The following RNF157 variants were observed in gnomAD, a reference collection of about 807,000 sequenced individuals.
RNF157 encodes the protein ring finger protein 157.
In RNF157, 55 loss-of-function variants were observed where a neutral mutation model predicts 88.3. The ratio of observed to expected loss-of-function variants is 0.62; its 90% CI spans 0.50 to 0.78. The LOEUF (loss-of-function observed/expected upper bound fraction) is 0.78. RNF157 is among the 30% of genes least tolerant of loss of function. The pLI is 0.00. For synonymous variants in RNF157, 334 were observed against 341.2 expected, an observed-to-expected ratio of 0.98 and a Z score of 0.23; for missense variants, 788 against 860.8, an observed-to-expected ratio of 0.92 and a Z score of 1.06.
chr17:76,197,809 A>T (rs2144967700), intron 2 of RNF157, among the ~76,000 whole-genome samples: 3 of 152,344 alleles, frequency 2.0e-5, no homozygotes, highest in Middle Eastern at 6.8e-3. Context: ...AAAAAGGATG[A>T]ACTCTCAGCC....
At chr17:76,232,363 G>T (rs987869587) in intron 1 of RNF157, among the ~76,000 whole-genome samples, 1 of 151,588 alleles carries the variant, frequency 6.6e-6, no homozygotes. Context: ...ACTCCAGCCT[G>T]AGCACTTAGA....
chr17:76,175,666 T>A (rs144042581), intron 2 of RNF157: 2 of 653,692 alleles, frequency 3.1e-6, no homozygotes, highest in Non-Finnish European at 3.8e-6. Context: ...TAAATGACTT[T>A]GGGATTAAAA....
intron 2 of RNF157, among the ~76,000 whole-genome samples, chr17:76,177,712 G>A (rs1320210677): frequency 6.6e-6 from 1 of 152,094 alleles, no homozygotes; most frequent in African/African-American, 2.4e-5. Context: ...GCCCATAAAA[G>A]GCCCAGGCTC....
rs2068593304 is a variant in RNF157 at position 76,146,850 on chromosome 17, G to A, written c.1922-1497C>T. 2 of 985,460 alleles carry A rather than the reference G, an allele frequency of 2.0e-6. No individual in the cohort carries two copies. The highest frequency in any genetic ancestry group is 4.7e-5 in the South Asian group (1 of 21,288). The allele number at this position is 985,460 out of a possible 1,614,324, so 61.0% of individuals were successfully genotyped here. A position where few individuals can be genotyped will look rare whatever the true frequency, so the allele number is the denominator to read the frequency against. On this transcript the variant is annotated intron_variant, in intron 18 of 18. Transcript: ENST00000269391. The surrounding 1 kb of genome is among the most constrained non-coding windows in gnomAD (Gnocchi z 4.2). Reference sequence around the variant, plus strand: ...AACTGTAGAGTGTGGCCGTGAGGTTGAGAGAGGCCACTCACAAGTGTCCAG... The same window carrying A: ...AACTGTAGAGTGTGGCCGTGAGGTTAAGAGAGGCCACTCACAAGTGTCCAG...
At chr17:76,216,268 G>A (rs2069886617) in intron 1 of RNF157, among the ~76,000 whole-genome samples, 1 of 152,116 alleles carries the variant, frequency 6.6e-6, no homozygotes, top group African/African-American at 2.4e-5. Context: ...AAAAATCCAT[G>A]GATGATTGGC....
intron 2 of RNF157, among the ~76,000 whole-genome samples, chr17:76,205,394 A>G (rs927425898): frequency 2.6e-5 from 4 of 151,810 alleles, no homozygotes; most frequent in Non-Finnish European, 5.9e-5. Context: ...TCAGCCTCCC[A>G]AAGTGCTGGG....
chr17:76,147,438 G>T, intron 18 of RNF157: 1 of 598,124 alleles, frequency 1.7e-6, no homozygotes, highest in Non-Finnish European at 2.1e-6. Flanking sequence ...GGAATGCTGG[G>T]CCGGAGAGGC....
In RNF157 at chr17:76,195,834, A is replaced by C. The variant is rs1165457010; in HGVS notation, c.207+16530T>G. Reference sequence around the variant, plus strand: ...ATCAGACTAAATTGAGCACAAGCTAAAACAGGGACTGGGCAGAAGCAGCTT... The same window carrying C: ...ATCAGACTAAATTGAGCACAAGCTACAACAGGGACTGGGCAGAAGCAGCTT... On this transcript the variant is annotated intron_variant, in intron 2 of 18. Transcript: ENST00000269391. This position sits in a 1 kb window ranked among gnomAD's most constrained non-coding sequence, Gnocchi z 4.4. 6.6e-6 allele frequency among the ~76,000 whole-genome samples: 1 copy of C among 152,202 alleles called. No individual in the cohort carries two copies. The highest frequency in any genetic ancestry group is 1.5e-5 in the Non-Finnish European group (1 of 68,034).
chr17:76,240,203 TC>T lies in RNF157; in HGVS notation c.37del (p.Glu13ArgfsTer48). The T allele has an allele frequency of 7.1e-7, 1 of 1,408,060 alleles. No individual in the cohort carries two copies. Among genetic ancestry groups the T allele is most frequent in the Non-Finnish European group, 9.4e-7 (1 of 1,066,070 alleles). 87.2% of individuals were successfully genotyped at this position (1,408,060 alleles called of 1,614,324 possible). The stretch of plus-strand genomic sequence containing the variant: ...GGAATTAGACGGGATGTCCACCTCC[TC>T]CACGCCCGCGTGCTGCCGGCTCGTC... ...ALTSRQHAGV[E>X]EVDIPSNSVY... On this transcript the variant is annotated frameshift_variant, in exon 1 of 19. Coordinates refer to ENST00000269391, the MANE Select transcript of RNF157 (RefSeq NM_052916.3). LOFTEE classifies it high-confidence loss of function. The surrounding 1 kb of genome is among the most constrained non-coding windows in gnomAD (Gnocchi z 4.4).
chr17:76,191,020 T>C (rs531042812), intron 2 of RNF157, among the ~76,000 whole-genome samples: 1 of 150,836 alleles, frequency 6.6e-6, no homozygotes, highest in South Asian at 2.1e-4. Context: ...GGACTGTTTC[T>C]ACAAAAAGAA....
intron 2 of RNF157, among the ~76,000 whole-genome samples, chr17:76,190,571 C>T (rs2069367184): frequency 6.6e-6 from 1 of 150,984 alleles, no homozygotes; most frequent in South Asian, 2.1e-4. Context: ...CCACTGCACT[C>T]CAGCCTGGGT....
intron 1 of RNF157, among the ~76,000 whole-genome samples, chr17:76,232,908 T>A (rs1199634881): frequency 6.6e-6 from 1 of 150,728 alleles, no homozygotes; most frequent in Non-Finnish European, 1.5e-5. Context: ...CAGTGAAGTA[T>A]CTATTGAAAT....
At chr17:76,180,354 C>T (rs1010652996) in intron 2 of RNF157, among the ~76,000 whole-genome samples, 8 of 152,282 alleles carry the variant, frequency 5.3e-5, no homozygotes, top group African/African-American at 1.9e-4. Context: ...ACCTTTACGA[C>T]AGAAAAGCAA....
intron 2 of RNF157, among the ~76,000 whole-genome samples, chr17:76,182,475 G>T (rs913884815): frequency 2.0e-5 from 3 of 151,448 alleles, no homozygotes; most frequent in African/African-American, 7.3e-5. Flanking sequence ...GTGTGTGTGT[G>T]TGTGTGTATC....
chr17:76,145,998 G>A (rs1411339206), intron 18 of RNF157, among the ~76,000 whole-genome samples: 3 of 152,138 alleles, frequency 2.0e-5, no homozygotes, highest in Non-Finnish European at 2.9e-5. Context: ...CAAGAGCCTC[G>A]GGGTCCCACA....
chr17:76,202,111 T>TTC (rs374396479), intron 2 of RNF157, among the ~76,000 whole-genome samples: 12,369 of 133,534 alleles, frequency 0.093, 698 homozygotes, highest in East Asian at 0.18. Flanking sequence ...CAATCTCAGT[T>TTC]TCTCTCTCTC....
intron 7 of RNF157, 99 bp from the exon 8 acceptor site, chr17:76,164,894 C>T: frequency 1.3e-6 from 1 of 753,276 alleles, no homozygotes; most frequent in Non-Finnish European, 2.2e-6. Context: ...CCTCCCTGAT[C>T]TGCAGTTTCA....
rs1007083757 is a variant in RNF157 at position 76,146,092 on chromosome 17, C to A, written c.1922-739G>T. Among the ~76,000 whole-genome samples, 29 of 152,296 alleles carry A rather than the reference C, an allele frequency of 1.9e-4. No homozygotes were observed. Among genetic ancestry groups the A allele is most frequent in the African/African-American group, 7.0e-4 (29 of 41,560 alleles). ...GCCAGCGCCTGTCTGGAAACCCATTCTTGGTGCTTCTCTTTCCCTTGTGCT... is the reference window on the plus strand; with the variant it reads ...GCCAGCGCCTGTCTGGAAACCCATTATTGGTGCTTCTCTTTCCCTTGTGCT... On this transcript the variant is annotated intron_variant, in intron 18 of 18. Coordinates refer to ENST00000269391, the MANE Select transcript of RNF157 (RefSeq NM_052916.3). This position sits in a 1 kb window ranked among gnomAD's most constrained non-coding sequence, Gnocchi z 4.2.
At chr17:76,166,348 A>T (rs2068924261) in intron 6 of RNF157, 113 bp downstream of exon 6, 2 of 851,038 alleles carry the variant, frequency 2.4e-6, no homozygotes, top group Admixed American at 1.9e-5. Context: ...TGCCTGACTC[A>T]CAGTCACAAA....
Sources: allele counts gnomAD v4.1 joint callset (sites outside exome capture counted in the v4.1 genomes callset), GRCh38; gene constraint gnomAD v4.1.1; non-coding constraint Gnocchi (gnomAD v3.1); transcripts MANE v1.5; gene names NCBI Gene and HGNC (gene_info 2026-07-23, HGNC 2026-07-21).